Variants in XRCC5 observed in about 807,000 individuals in gnomAD.
The protein encoded by XRCC5 is DNA repair protein Ku80.
Under a neutral mutation model 95.7 loss-of-function variants are expected in XRCC5, and 12 were observed. The ratio of observed to expected loss-of-function variants is 0.13; its 90% CI spans 0.08 to 0.20. The LOEUF (loss-of-function observed/expected upper bound fraction) is 0.20, where lower values mean the gene tolerates loss of function less well. Ranked by LOEUF, XRCC5 falls within the 10% of genes least tolerant of loss-of-function variation. XRCC5 has a pLI of 1.00. For synonymous variants in XRCC5, 281 were observed against 290.3 expected, an observed-to-expected ratio of 0.97 and a Z score of 0.33; for missense variants, 595 against 873.9, an observed-to-expected ratio of 0.68 and a Z score of 4.02.
intron 14 of XRCC5, among the ~76,000 whole-genome samples, chr2:216,158,351 C>T (rs1180184742): frequency 2.6e-5 from 4 of 152,110 alleles, no homozygotes; most frequent in East Asian, 3.8e-4. Flanking sequence ...ACACAGTGAA[C>T]GCCATCAAGA....
At chr2:216,114,735 T>TA (rs918839633) in intron 2 of XRCC5, among the ~76,000 whole-genome samples, 72 of 152,304 alleles carry the variant, frequency 4.7e-4, no homozygotes, top group African/African-American at 1.6e-3. Flanking sequence ...CACCTGGAGT[T>TA]AGCAAGCTAT....
chr2:216,145,902 T>C (rs932440840), intron 13 of XRCC5, among the ~76,000 whole-genome samples: 1 of 152,230 alleles, frequency 6.6e-6, no homozygotes, highest in East Asian at 1.9e-4. Context: ...TAGTCTGCTA[T>C]GTTGGGTGTT....
chr2:216,152,421 A>G (rs2106021800), intron 14 of XRCC5, among the ~76,000 whole-genome samples: 1 of 151,576 alleles, frequency 6.6e-6, no homozygotes, highest in Non-Finnish European at 1.5e-5. Flanking sequence ...AGCCTAGGCA[A>G]CAGAGTGAGA....
chr2:216,203,848 C>CTTTTTTTTTTTTTTTTTTT, intron 19 of XRCC5, among the ~76,000 whole-genome samples: 1 of 118,796 alleles, frequency 8.4e-6, no homozygotes, highest in Non-Finnish European at 1.7e-5. Flanking sequence ...TTATTCTAAG[C>CTTTTTTTTTTTTTTTTTTT]TTTTTTTTTT....
At chr2:216,153,884 G>A (rs917667734) in intron 14 of XRCC5, among the ~76,000 whole-genome samples, 8 of 152,164 alleles carry the variant, frequency 5.3e-5, no homozygotes, top group African/African-American at 1.9e-4. Context: ...TTAGGTGCCT[G>A]TAGGCCCCTC....
At chr2:216,110,271 G>A (rs1342006140) in intron 1 of XRCC5, among the ~76,000 whole-genome samples, 1 of 152,084 alleles carries the variant, frequency 6.6e-6, no homozygotes, top group Admixed American at 6.5e-5. Context: ...ACATAAAAGA[G>A]TGGTAGTTGT....
intron 1 of XRCC5, among the ~76,000 whole-genome samples, chr2:216,112,353 CT>C (rs1696603952): frequency 6.6e-6 from 1 of 152,222 alleles, no homozygotes; most frequent in Admixed American, 6.5e-5. Context: ...CTGGTATCCC[CT>C]CCACCAGTCT....
intron 16 of XRCC5, chr2:216,175,219 G>A (rs1015513228): frequency 1.4e-5 from 5 of 362,646 alleles, no homozygotes; most frequent in Admixed American, 3.5e-5. Context: ...GTTGCCCACC[G>A]TCACCTCCAC....
intron 16 of XRCC5, chr2:216,175,275 C>CACCACCTCTACTTCT: frequency 2.3e-6 from 1 of 429,844 alleles, no homozygotes; most frequent in Admixed American, 2.8e-5. Flanking sequence ...CCTCTGCTGC[C>CACCACCTCTACTTCT]ACCACCTCTA....
chr2:216,111,325 C>A, intron 1 of XRCC5: 1 of 417,384 alleles, frequency 2.4e-6, no homozygotes, highest in Non-Finnish European at 4.8e-6. Context: ...AGTTTGAGAC[C>A]AGCCTGGGCA....
At chr2:216,129,774 A>G (rs1338839435) in intron 8 of XRCC5, among the ~76,000 whole-genome samples, 3 of 152,164 alleles carry the variant, frequency 2.0e-5, no homozygotes, top group Non-Finnish European at 2.9e-5. Flanking sequence ...CCCAGGTTCA[A>G]GTGATTCTCC....
intron 16 of XRCC5, among the ~76,000 whole-genome samples, chr2:216,172,192 A>G (rs1046421965): frequency 1.3e-5 from 2 of 152,342 alleles, no homozygotes; most frequent in South Asian, 2.1e-4. Context: ...GTGGTGGAAC[A>G]TTCTATAGAT....
intron 7 of XRCC5, among the ~76,000 whole-genome samples, chr2:216,127,076 A>G (rs1409313488): frequency 6.6e-6 from 1 of 151,996 alleles, no homozygotes; most frequent in African/African-American, 2.4e-5. Context: ...ACCTGTCTCT[A>G]CTAAAAACAC....
At chr2:216,136,283 G>A (rs1478574787) in intron 10 of XRCC5, among the ~76,000 whole-genome samples, 1 of 151,696 alleles carries the variant, frequency 6.6e-6, no homozygotes, top group South Asian at 2.1e-4. Context: ...TTGAACCTGG[G>A]AGGTGGAGGT....
Position 216,187,450 on chromosome 2 carries a change from C to G in XRCC5, c.1835-2775C>G, listed in dbSNP as rs1243705751. 5.1e-5 allele frequency among the ~76,000 whole-genome samples: 7 copies of G among 136,832 alleles called. No homozygotes were observed. In the East Asian group the frequency reaches 1.5e-3, roughly 30 times the overall value. The allele number at this position is 136,832 out of a possible 152,430, so 89.8% of individuals were successfully genotyped here. On this transcript the variant is annotated intron_variant, in intron 16 of 20. Transcript: ENST00000392132. ...ATTTTTGTTTCTTTTGAATATTTTT[C>G]TCTGTAAGATAGCAACTGTGTGTGT...
Position 216,113,007 on chromosome 2 carries a change from T to G in XRCC5, c.22-9T>G. 6.2e-7 allele frequency: 1 copy of G among 1,607,170 alleles called. No homozygotes were observed. Among genetic ancestry groups the G allele is most frequent in the Non-Finnish European group, 8.5e-7 (1 of 1,175,958 alleles). On this transcript the variant is annotated splice_polypyrimidine_tract_variant and intron_variant, in intron 1 of 20. Transcript: ENST00000392132. ...TTTTCTCAAACACTCTTTGGAACTTTGTTTCCAGGCAGCTGTTGTGCTGTG... is the reference window on the plus strand; with the variant it reads ...TTTTCTCAAACACTCTTTGGAACTTGGTTTCCAGGCAGCTGTTGTGCTGTG...
intron 16 of XRCC5, among the ~76,000 whole-genome samples, chr2:216,184,071 T>A (rs1574483331): frequency 7.9e-6 from 1 of 127,232 alleles, no homozygotes; most frequent in Non-Finnish European, 1.7e-5. Context: ...TGTGTGTGTG[T>A]GTGATTTAGA....
chr2:216,119,155 C>G lies in XRCC5; in HGVS notation c.481C>G (p.Leu161Val), dbSNP rs993189937. 4 of 1,613,912 alleles carry G rather than the reference C, an allele frequency of 2.5e-6. No individual in the cohort carries two copies. The highest frequency in any genetic ancestry group is 3.4e-6 in the Non-Finnish European group (4 of 1,179,948). ...IHSLKKCDIS[L>V]QFFLPFSLGK... ...TAGCTTGAAGAAATGTGACATCTCC[C>G]TGCAATTCTTGTAAGATCCTAAGAA... is the stretch of plus-strand genomic sequence containing the variant. The change falls in exon 5 of 21, where the codon CTG becomes GTG. Residue 161 changes from leucine (L) to valine (V), a missense_variant. Around this residue, in one of 2 missense-constraint regions of XRCC5, gnomAD observed 286 missense variants for 491.1 expected, o/e 0.58. Coordinates refer to ENST00000392132, the MANE Select transcript of XRCC5 (RefSeq NM_021141.4).
At chr2:216,123,272 A>C (rs1381587456) in intron 6 of XRCC5, among the ~76,000 whole-genome samples, 1 of 152,168 alleles carries the variant, frequency 6.6e-6, no homozygotes, top group Non-Finnish European at 1.5e-5. Flanking sequence ...ATGAGCTATA[A>C]TTGACAAAAA....
Sources: gnomAD v4.1 joint callset for allele counts (sites outside exome capture counted in the v4.1 genomes callset) on GRCh38, gnomAD v4.1.1 for gene constraint, gnomAD v4.1.1 regional missense constraint, MANE v1.5 for transcripts, NCBI Gene and HGNC (gene_info 2026-07-23, HGNC 2026-07-21) for gene names.